ATP11B: variants seen among roughly 807,000 people sequenced by gnomAD.
ATP11B encodes the protein phospholipid-transporting ATPase IF.
A neutral mutation model predicts 157.8 loss-of-function variants in ATP11B; 81 were observed. The ratio of observed to expected loss-of-function variants is 0.51; its 90% CI spans 0.43 to 0.62. The LOEUF is 0.62. Among genes scored for constraint, ATP11B ranks in the 20% least tolerant of loss-of-function variants. The pLI, the probability that ATP11B is intolerant of heterozygous loss-of-function variation, is 0.00. For synonymous variants in ATP11B, 451 were observed against 469.4 expected (o/e 0.96, Z 0.51); for missense variants, 1,165 against 1,402.2 (o/e 0.83, Z 2.70).
At chr3:182,911,114 A>G (rs1001976319) in intron 28 of ATP11B, among the ~76,000 whole-genome samples, 1 of 152,082 alleles carries the variant, frequency 6.6e-6, no homozygotes, top group African/African-American at 2.4e-5. Context: ...CCACACTGTG[A>G]GTCACAACTG....
At chr3:182,874,987 A>G (rs868039861) in intron 19 of ATP11B, among the ~76,000 whole-genome samples, 8 of 152,170 alleles carry the variant, frequency 5.3e-5, no homozygotes, top group Admixed American at 3.9e-4. Context: ...TCTAGTTTGC[A>G]TGACCAAACT....
intron 9 of ATP11B, among the ~76,000 whole-genome samples, chr3:182,847,305 A>G (rs1577014731): frequency 6.6e-6 from 1 of 152,208 alleles, no homozygotes; most frequent in South Asian, 2.1e-4. Context: ...TCCCAAAGTG[A>G]TGGGATTACA....
intron 1 of ATP11B, among the ~76,000 whole-genome samples, chr3:182,813,441 G>A (rs1716787418): frequency 6.6e-6 from 1 of 152,082 alleles, no homozygotes; most frequent in Non-Finnish European, 1.5e-5. Flanking sequence ...CTTTGTTAAT[G>A]GATGTGAAGT....
At chr3:182,867,312 G>T (rs1214530270) in intron 14 of ATP11B, 64 bp from the exon 15 acceptor site, 2 of 927,726 alleles carry the variant, frequency 2.2e-6, no homozygotes, top group Admixed American at 2.0e-5. Flanking sequence ...TTAAGCTATA[G>T]TGACATTGTG....
Position 182,897,400 on chromosome 3 carries a change from T to C in ATP11B, c.3146T>C (p.Ile1049Thr), listed in dbSNP as rs1250954576. 6.4e-7 allele frequency: 1 copy of C among 1,550,488 alleles called. No individual in the cohort carries two copies. Among genetic ancestry groups the C allele is most frequent in the East Asian group, 2.3e-5 (1 of 43,240 alleles). ...GTATTTTCCTTGTTTTATGGAGGGA[T>C]TCTCTGGTGAGTGAATATATTGTAT... The part of the protein sequence containing the change: ...YFVFSLFYGG[I>T]LWPFLGSQNM... The change falls in exon 27 of 30, where the codon ATT (isoleucine) becomes ACT (threonine). Residue 1049 changes from isoleucine to threonine, a missense_variant. By Grantham distance (89) the Ile-to-Thr change is moderately conservative. Transcript: ENST00000323116.
rs970843684 is a variant in ATP11B, at chr3:182,920,747, C to G, written c.*2643C>G. 2.6e-5 allele frequency: 4 copies of G among 152,262 alleles called. No homozygotes were observed. Among genetic ancestry groups the G allele is most frequent in the African/African-American group, 9.6e-5 (4 of 41,456 alleles). 9.4% of individuals were successfully genotyped at this position (152,262 alleles called of 1,614,324 possible). A position where few individuals can be genotyped will look rare whatever the true frequency, so the allele number is the denominator to read the frequency against. On this transcript the variant is annotated 3_prime_UTR_variant, in exon 30 of 30. Coordinates refer to ENST00000323116, the MANE Select transcript of ATP11B (RefSeq NM_014616.3). ...CAGCTTCAGCAGGCGTAGGCTCACC[C>G]TGGGCGGAGCAAAGTATGGGCCAGG...
intron 12 of ATP11B, among the ~76,000 whole-genome samples, chr3:182,863,804 G>A (rs982443536): frequency 2.0e-5 from 3 of 151,948 alleles, no homozygotes; most frequent in Non-Finnish European, 2.9e-5. Context: ...TGATAGTGCA[G>A]TCTGTATTCT....
Position 182,869,263 on chromosome 3 carries a change from T to C in ATP11B, c.1798T>C (p.Ser600Pro), listed in dbSNP as rs1370080859. The part of the protein sequence containing the change: ...KLLFAKGAES[S>P]ILPKCIGGEI... The stretch of plus-strand genomic sequence containing the variant: ...ATTATTTGCTAAAGGAGCTGAGTCA[T>C]CAATTCTCCCTAAATGTATAGGTGG... Residue 600 changes from serine to proline, a missense_variant, in exon 17 of 30, where the codon TCA (serine) becomes CCA (proline). Transcript: ENST00000323116. 1.2e-6 allele frequency: 2 copies of C among 1,611,002 alleles called. No individual in the cohort carries two copies. The highest frequency in any genetic ancestry group is 1.7e-6 in the Non-Finnish European group (2 of 1,178,738).
intron 1 of ATP11B, among the ~76,000 whole-genome samples, chr3:182,810,504 C>A (rs1013313531): frequency 1.3e-5 from 2 of 151,858 alleles, no homozygotes; most frequent in African/African-American, 4.8e-5. Context: ...AGCATATTTC[C>A]CAGGTTCTTG....
At position 182,865,533 on chromosome 3, in the gene ATP11B, C is replaced by T; in HGVS notation, c.1278C>T (p.Gly426=). 1 of 1,613,688 alleles carries T rather than the reference C, an allele frequency of 6.2e-7. No individual in the cohort carries two copies. The highest frequency in any genetic ancestry group is 2.2e-5 in the East Asian group (1 of 44,806). Residue 426 remains glycine, a synonymous_variant, in exon 13 of 30, where the codon GGC becomes GGT. Coordinates refer to ENST00000323116, the MANE Select transcript of ATP11B (RefSeq NM_014616.3). ...EMQFRECSIN[G]MKYQEINGRL... is the part of the protein sequence containing the mutation. ...AGTTTCGGGAATGTTCAATTAATGG[C>T]ATGAAATACCAAGAAATTAATGGTA...
intron 1 of ATP11B, among the ~76,000 whole-genome samples, chr3:182,817,390 C>T (rs923409777): frequency 6.6e-6 from 1 of 152,092 alleles, no homozygotes; most frequent in South Asian, 2.1e-4. Context: ...AAGCAGTTCC[C>T]CTGCCACAGC....
intron 2 of ATP11B, among the ~76,000 whole-genome samples, chr3:182,822,090 TTA>T (rs1268106972): frequency 6.6e-6 from 1 of 152,028 alleles, no homozygotes; most frequent in Non-Finnish European, 1.5e-5. Context: ...TGGATGAGCT[TTA>T]GATTAGTGAC....
In ATP11B at chr3:182,836,483, A is replaced by G. The variant is rs1372804433; in HGVS notation, c.552+13A>G. ...AACTAACCTGAAGGTTTGCTTGCAT[A>G]TGTTTGAGTATTGCTCTTGGTGAAC... On this transcript the variant is annotated intron_variant, in intron 6 of 29. Coordinates refer to ENST00000323116, the MANE Select transcript of ATP11B (RefSeq NM_014616.3). 1.9e-6 allele frequency: 3 copies of G among 1,613,664 alleles called. No individual in the cohort carries two copies. The highest frequency in any genetic ancestry group is 1.3e-5 in the African/African-American group (1 of 74,904).
chr3:182,821,970 G>C (rs567641225), intron 2 of ATP11B, among the ~76,000 whole-genome samples: 4 of 152,254 alleles, frequency 2.6e-5, no homozygotes, highest in South Asian at 2.1e-4. Flanking sequence ...GCCCCATGTT[G>C]CTGCCTTCAC....
Position 182,820,391 on chromosome 3 carries a change from T to C in ATP11B, c.144+15T>C. 1 of 1,560,840 alleles carries C rather than the reference T, an allele frequency of 6.4e-7. No individual in the cohort carries two copies. The highest frequency in any genetic ancestry group is 8.8e-7 in the Non-Finnish European group (1 of 1,131,568). On this transcript the variant is annotated intron_variant, in intron 2 of 29. Transcript: ENST00000323116. ...TTTCATCTAAGGTAAGAATTAAAAT[T>C]TTTATTGTTAGGCCAGGTGCAGTGG...
intron 2 of ATP11B, among the ~76,000 whole-genome samples, chr3:182,824,345 T>G (rs147883162): frequency 7.2e-5 from 11 of 152,346 alleles, no homozygotes; most frequent in Non-Finnish European, 1.3e-4. Context: ...AGGCTGTAGT[T>G]TTCCCCAGCT....
At chr3:182,802,188 G>A (rs143624262) in intron 1 of ATP11B, among the ~76,000 whole-genome samples, 6 of 152,184 alleles carry the variant, frequency 3.9e-5, no homozygotes, top group East Asian at 3.9e-4. Context: ...CATTTCTCTC[G>A]TCTTTCTCTG....
At chr3:182,836,241 A>ATG in intron 5 of ATP11B, 99 bp downstream of exon 5, 1 of 1,565,094 alleles carries the variant, frequency 6.4e-7, no homozygotes, top group Non-Finnish European at 8.8e-7. Flanking sequence ...CTACTTTCCT[A>ATG]TGCTAAAATA....
At chr3:182,869,559 T>C (rs1440600934) in intron 17 of ATP11B, among the ~76,000 whole-genome samples, 1 of 152,240 alleles carries the variant, frequency 6.6e-6, no homozygotes, top group Non-Finnish European at 1.5e-5. Flanking sequence ...CAAGGTCTAC[T>C]CAAACTATGC....
Sources: allele counts gnomAD v4.1 joint callset (sites outside exome capture counted in the v4.1 genomes callset), GRCh38; gene constraint gnomAD v4.1.1; transcripts MANE v1.5; gene names NCBI Gene and HGNC (gene_info 2026-07-23, HGNC 2026-07-21).